Variants in RARB observed in about 807,000 individuals in gnomAD.
RARB encodes the protein retinoic acid receptor beta.
Under a neutral mutation model 51.9 loss-of-function variants are expected in RARB, and 17 were observed. The ratio of observed to expected loss-of-function variants is 0.33; its 90% CI spans 0.22 to 0.49. RARB has a LOEUF of 0.49. Ranked by LOEUF, RARB falls within the 20% of genes least tolerant of loss-of-function variation. The pLI is 0.99. For synonymous variants in RARB, 215 were observed against 195.4 expected, an observed-to-expected ratio of 1.10 and a Z score of -0.84; for missense variants, 369 against 550.8, an observed-to-expected ratio of 0.67 and a Z score of 3.30.
At chr3:25,251,586 T>C (rs780752190) in intron 5 of RARB, among the ~76,000 whole-genome samples, 16 of 152,176 alleles carry the variant, frequency 1.1e-4, no homozygotes, top group Non-Finnish European at 2.2e-4. Flanking sequence ...TATTGTGGTT[T>C]TGGTTGGCAT....
intron 5 of RARB, among the ~76,000 whole-genome samples, chr3:25,219,124 A>G (rs1262349541): frequency 6.6e-6 from 1 of 152,188 alleles, no homozygotes; most frequent in Admixed American, 6.5e-5. Flanking sequence ...GGAACCAAAG[A>G]CCCTTAAACT....
In RARB at chr3:25,413,855, T is replaced by G. The variant is rs139313704; in HGVS notation, c.179-47338T>G. ...ATTATTGTCTGTAGCACACTGGTTG[T>G]TAAATATTTTGCTCAATACTATTTT... On this transcript the variant is annotated intron_variant, in intron 5 of 11. Transcript: ENST00000383772. Among the ~76,000 whole-genome samples the G allele has an allele frequency of 2.3e-3, 348 of 152,322 alleles. 1 individual carries two copies. The highest frequency in any genetic ancestry group is 7.9e-3 in the African/African-American group (327 of 41,570).
At chr3:25,335,861 T>G (rs999624659) in intron 5 of RARB, among the ~76,000 whole-genome samples, 17 of 152,224 alleles carry the variant, frequency 1.1e-4, no homozygotes, top group African/African-American at 4.1e-4. Context: ...CAGGAGAACA[T>G]GTAAAGCATT....
intron 5 of RARB, among the ~76,000 whole-genome samples, chr3:25,260,586 A>G (rs1702973745): frequency 6.6e-6 from 1 of 152,120 alleles, no homozygotes; most frequent in African/African-American, 2.4e-5. Flanking sequence ...CAAGTCTTAT[A>G]AACTGCAACC....
chr3:25,231,005 C>T (rs1702164113), intron 5 of RARB, among the ~76,000 whole-genome samples: 1 of 152,094 alleles, frequency 6.6e-6, no homozygotes, highest in African/African-American at 2.4e-5. Context: ...ACTATGATAT[C>T]TCTAAAATAT....
intron 3 of RARB, among the ~76,000 whole-genome samples, chr3:25,066,572 T>C (rs1409155610): frequency 2.6e-5 from 4 of 151,568 alleles, no homozygotes; most frequent in Non-Finnish European, 4.4e-5. Context: ...TGTGTGTATA[T>C]GTATGTATGC....
At chr3:25,544,721 A>G (rs7635247) in intron 3 of RARB, among the ~76,000 whole-genome samples, 85 of 152,134 alleles carry the variant, frequency 5.6e-4, no homozygotes, top group African/African-American at 1.7e-3. Context: ...ATTACAGGCA[A>G]TATCTCCAAG....
chr3:24,986,226 A>G (rs1696791824), intron 2 of RARB, among the ~76,000 whole-genome samples: 1 of 152,232 alleles, frequency 6.6e-6, no homozygotes, highest in Non-Finnish European at 1.5e-5. Flanking sequence ...TGAATAAAAT[A>G]GAACTTTAAA....
At chr3:25,557,136 T>TACACACACAC (rs1436096947) in intron 3 of RARB, among the ~76,000 whole-genome samples, 3 of 87,462 alleles carry the variant, frequency 3.4e-5, no homozygotes, top group African/African-American at 1.5e-4. Flanking sequence ...TGGCATTGCA[T>TACACACACAC]TCACACACAC....
intron 3 of RARB, among the ~76,000 whole-genome samples, chr3:25,530,907 C>G (rs1308311651): frequency 1.3e-5 from 2 of 152,178 alleles, no homozygotes; most frequent in Non-Finnish European, 2.9e-5. Flanking sequence ...AATGCCACTT[C>G]CTGGTTTCAG....
At chr3:25,105,101 TCAAA>T (rs1377797901) in intron 3 of RARB, among the ~76,000 whole-genome samples, 2 of 152,328 alleles carry the variant, frequency 1.3e-5, no homozygotes, top group African/African-American at 2.4e-5. Flanking sequence ...AATCACTAAT[TCAAA>T]CATTGTTACG....
At chr3:25,216,655 G>A (rs1373764933) in intron 5 of RARB, among the ~76,000 whole-genome samples, 1 of 151,722 alleles carries the variant, frequency 6.6e-6, no homozygotes, top group East Asian at 1.9e-4. Context: ...CATAGCACAT[G>A]TATACTTATT....
intron 2 of RARB, among the ~76,000 whole-genome samples, chr3:25,029,196 T>TG (rs1258974725): frequency 6.6e-6 from 1 of 152,190 alleles, no homozygotes; most frequent in African/African-American, 2.4e-5. Context: ...TTTTCCAAAG[T>TG]GGGAAACTGT....
At chr3:25,045,287 G>T (rs182933349) in intron 2 of RARB, among the ~76,000 whole-genome samples, 2 of 152,152 alleles carry the variant, frequency 1.3e-5, no homozygotes, top group African/African-American at 2.4e-5. Context: ...GAGCTTTCTG[G>T]TTTCCCTCTC....
chr3:24,893,009 C>A (rs1055194650), intron 2 of RARB, among the ~76,000 whole-genome samples: 1 of 152,186 alleles, frequency 6.6e-6, no homozygotes, highest in Non-Finnish European at 1.5e-5. Flanking sequence ...CAAGAGAATT[C>A]TGTGTGTTTC....
rs9854321 is a variant in RARB, at chr3:24,913,196, C to G, written c.-380+54444C>G. On this transcript the variant is annotated intron_variant, in intron 2 of 11. Coordinates refer to the RARB transcript ENST00000383772. ...AGACGGGGTTTCACTGTGTTAGCCA[C>G]GATGGTCTCGATCTCCTGACCTCCT... 2.2e-3 allele frequency among the ~76,000 whole-genome samples: 327 copies of G among 151,302 alleles called. 1 individual carries two copies. Among genetic ancestry groups the G allele is most frequent in the African/African-American group, 6.1e-3 (253 of 41,280 alleles).
intron 1 of RARB, among the ~76,000 whole-genome samples, chr3:24,829,427 C>G (rs1226196328): frequency 6.6e-6 from 1 of 152,160 alleles, no homozygotes; most frequent in Non-Finnish European, 1.5e-5. Flanking sequence ...AGCGCGCTGG[C>G]GGGTCTTCCT....
chr3:25,405,540 A>G (rs1707382343), intron 5 of RARB, among the ~76,000 whole-genome samples: 1 of 152,204 alleles, frequency 6.6e-6, no homozygotes, highest in African/African-American at 2.4e-5. Flanking sequence ...TCATGTACAG[A>G]GATAAAACCA....
chr3:25,109,156 C>T (rs76554550), intron 3 of RARB, among the ~76,000 whole-genome samples: 3,432 of 152,176 alleles, frequency 0.023, 121 homozygotes, highest in African/African-American at 0.072. Flanking sequence ...AAATGATAAG[C>T]GTTCAAATGG....
Sources: gnomAD v4.1 joint callset for allele counts (sites outside exome capture counted in the v4.1 genomes callset) on GRCh38, gnomAD v4.1.1 for gene constraint, MANE v1.5 for transcripts, NCBI Gene and HGNC (gene_info 2026-07-23, HGNC 2026-07-21) for gene names.